SLC38A9: variants seen among roughly 807,000 people sequenced by gnomAD.
SLC38A9 encodes the protein neutral amino acid transporter 9.
A neutral mutation model predicts 62.3 loss-of-function variants in SLC38A9; 48 were observed. The ratio of observed to expected loss-of-function variants is 0.77; its 90% confidence interval spans 0.61 to 0.98. The LOEUF (loss-of-function observed/expected upper bound fraction) is 0.98, where lower values mean the gene tolerates loss of function less well. Among genes scored for constraint, SLC38A9 ranks in the 50% least tolerant of loss-of-function variants. The pLI, the probability that SLC38A9 is intolerant of heterozygous loss-of-function variation, is 0.00. For missense variants in SLC38A9, 541 were observed against 679.8 expected (o/e 0.80, Z 2.27); for synonymous variants, 204 against 227.7 (o/e 0.90, Z 0.94).
chr5:55,627,176 G>T (rs947873864), intron 15 of SLC38A9, among the ~76,000 whole-genome samples: 1 of 152,080 alleles, frequency 6.6e-6, no homozygotes, highest in African/African-American at 2.4e-5. Context: ...GGGTTTTCTT[G>T]AGGAACAGTT....
chr5:55,639,272 T>TAAA (rs753043231), intron 12 of SLC38A9, among the ~76,000 whole-genome samples: 8 of 54,562 alleles, frequency 1.5e-4, no homozygotes, highest in East Asian at 4.9e-4. Flanking sequence ...AAACTCTGTC[T>TAAA]AAAAAAAAAA....
chr5:55,646,501 T>C (rs894827093), intron 11 of SLC38A9, among the ~76,000 whole-genome samples: 1 of 152,238 alleles, frequency 6.6e-6, no homozygotes, highest in Non-Finnish European at 1.5e-5. Flanking sequence ...ATTTTTTTAA[T>C]ACCTGAATTT....
At chr5:55,643,733 T>C (rs1418339394) in intron 12 of SLC38A9, among the ~76,000 whole-genome samples, 1 of 152,188 alleles carries the variant, frequency 6.6e-6, no homozygotes, top group African/African-American at 2.4e-5. Context: ...ACATTTAGGA[T>C]TATTATGTCT....
At chr5:55,694,591 TAATC>T (rs1039025604) in intron 3 of SLC38A9, among the ~76,000 whole-genome samples, 1 of 152,154 alleles carries the variant, frequency 6.6e-6, no homozygotes, top group Non-Finnish European at 1.5e-5. Context: ...AGTAATACCT[TAATC>T]AATATACTTT....
intron 8 of SLC38A9, among the ~76,000 whole-genome samples, chr5:55,659,879 C>T (rs1460542076): frequency 6.6e-6 from 1 of 151,846 alleles, no homozygotes; most frequent in South Asian, 2.1e-4. Flanking sequence ...CATTCTCCTG[C>T]GTCAGCCTCC....
intron 12 of SLC38A9, among the ~76,000 whole-genome samples, chr5:55,643,659 C>T (rs1279471059): frequency 6.6e-6 from 1 of 152,052 alleles, no homozygotes; most frequent in Non-Finnish European, 1.5e-5. Context: ...GATTTGTCTA[C>T]TTCTCTTTTC....
Position 55,626,527 on chromosome 5 carries a change from G to A in SLC38A9, c.1653C>T (p.Gly551=), listed in dbSNP as rs150451471. Residue 551 remains glycine, a synonymous_variant, in exon 16 of 16, where the codon GGC becomes GGT. Coordinates refer to ENST00000396865, the MANE Select transcript of SLC38A9 (RefSeq NM_173514.4). The part of the protein sequence containing the change: ...LIFHVFIIIL[G]VANLIVQFFM ...AAAACTGAACAATCAGGTTAGCCAC[G>A]CCCAAAATGATGATGAAAACGTGGA... 164 of 1,612,732 alleles carry A rather than the reference G, an allele frequency of 1.0e-4. 1 individual carries two copies. The African/African-American group carries it at 1.9e-3, about 19-fold the overall frequency.
At chr5:55,673,133 A>G (rs1214995510) in intron 3 of SLC38A9, among the ~76,000 whole-genome samples, 1 of 152,188 alleles carries the variant, frequency 6.6e-6, no homozygotes, top group Non-Finnish European at 1.5e-5. Flanking sequence ...TATGGGCCCA[A>G]GTTATTTCCT....
rs765006342 is a variant in SLC38A9 at position 55,652,578 on chromosome 5, T to G, written c.903A>C (p.Pro301=). 2 of 1,610,016 alleles carry G rather than the reference T, an allele frequency of 1.2e-6. No individual in the cohort carries two copies. Among genetic ancestry groups the G allele is most frequent in the African/African-American group, 1.3e-5 (1 of 74,684 alleles). ...ATGAAGGAGACTTGAAATTGAGCAGTGGGAGGAGGAGCCCTACAAGATAAA... is the reference window on the plus strand; with the variant it reads ...ATGAAGGAGACTTGAAATTGAGCAGGGGGAGGAGGAGCCCTACAAGATAAA... ...VPFYLVGLLL[P]LLNFKSPSFF... is the part of the protein sequence containing the mutation. The change falls in exon 10 of 16, where the codon CCA becomes CCC. Residue 301 remains proline, a synonymous_variant. Transcript: ENST00000396865.
At chr5:55,677,077 A>C (rs141841080) in intron 3 of SLC38A9, among the ~76,000 whole-genome samples, 13 of 152,316 alleles carry the variant, frequency 8.5e-5, no homozygotes, top group Non-Finnish European at 1.6e-4. Context: ...CAAAGTAATA[A>C]TTATAATTCT....
intron 3 of SLC38A9, among the ~76,000 whole-genome samples, chr5:55,673,795 T>A (rs1751704165): frequency 6.8e-6 from 1 of 147,868 alleles, no homozygotes; most frequent in South Asian, 2.1e-4. Flanking sequence ...CACTGCAACC[T>A]CCACCTCCTG....
intron 1 of SLC38A9, among the ~76,000 whole-genome samples, chr5:55,711,864 C>T (rs1337690868): frequency 6.6e-6 from 1 of 152,196 alleles, no homozygotes; most frequent in African/African-American, 2.4e-5. Flanking sequence ...CTACTCCCTC[C>T]TTCTCTCACC....
At chr5:55,680,222 T>TAGAG (rs138894224) in intron 3 of SLC38A9, among the ~76,000 whole-genome samples, 18,999 of 84,920 alleles carry the variant, frequency 0.22, 1,287 homozygotes, top group Admixed American at 0.3. Context: ...TATCTATATA[T>TAGAG]ATATAGAGAG....
At chr5:55,637,974 C>T (rs987472818) in intron 12 of SLC38A9, among the ~76,000 whole-genome samples, 1 of 142,064 alleles carries the variant, frequency 7.0e-6, no homozygotes, top group African/African-American at 2.7e-5. Context: ...AGTTAATAAA[C>T]AATAATAATA....
In SLC38A9 at chr5:55,626,487, A is replaced by G; in HGVS notation, c.*7T>C. 1 of 1,608,392 alleles carries G rather than the reference A, an allele frequency of 6.2e-7. No homozygotes were observed. Reference sequence around the variant, plus strand: ...TGAGAGCTCTTGAAAAAAACAGTTGAGGTATTTCACATAAAAAACTGAACA... The same window carrying G: ...TGAGAGCTCTTGAAAAAAACAGTTGGGGTATTTCACATAAAAAACTGAACA... On this transcript the variant is annotated 3_prime_UTR_variant, in exon 16 of 16. Transcript: ENST00000396865.
chr5:55,657,815 A>G (rs1748716354), intron 8 of SLC38A9, among the ~76,000 whole-genome samples: 1 of 152,232 alleles, frequency 6.6e-6, no homozygotes, highest in Non-Finnish European at 1.5e-5. Flanking sequence ...AGTAAGTTAA[A>G]TAGTTAAATT....
intron 3 of SLC38A9, among the ~76,000 whole-genome samples, chr5:55,693,597 A>G (rs894395262): frequency 2.0e-5 from 3 of 152,244 alleles, no homozygotes; most frequent in East Asian, 1.9e-4. Flanking sequence ...GGGAAATCAC[A>G]TTAAATTTAT....
intron 3 of SLC38A9, chr5:55,693,370 C>T (rs1031153175): frequency 4.1e-5 from 4 of 96,604 alleles, no homozygotes; most frequent in African/African-American, 1.3e-4. Flanking sequence ...AAAGCCACCT[C>T]CTTTTTAAGA....
chr5:55,696,197 G>A lies in SLC38A9; in HGVS notation c.113+1649C>T, dbSNP rs1383027111. 2 of 40,668 alleles carry A rather than the reference G, an allele frequency of 4.9e-5. 1 individual carries two copies. Among genetic ancestry groups the A allele is most frequent in the Non-Finnish European group, 1.3e-4 (2 of 15,854 alleles). 2.5% of individuals were successfully genotyped at this position (40,668 alleles called of 1,614,324 possible). A position where few individuals can be genotyped will look rare whatever the true frequency, so the allele number is the denominator to read the frequency against. ...TGACCCCCCCACCTCCCTCACGGAC[G>A]GGGCGGCTGGCTGGGCAGAGGGGCT... On this transcript the variant is annotated intron_variant, in intron 3 of 15. Coordinates refer to ENST00000396865, the MANE Select transcript of SLC38A9 (RefSeq NM_173514.4).
Sources: gnomAD v4.1 joint callset for allele counts (sites outside exome capture counted in the v4.1 genomes callset) on GRCh38, gnomAD v4.1.1 for gene constraint, MANE v1.5 for transcripts, NCBI Gene and HGNC (gene_info 2026-07-23, HGNC 2026-07-21) for gene names.